EPB41L3: variants seen among roughly 807,000 people sequenced by gnomAD.
The protein encoded by EPB41L3 is erythrocyte membrane protein band 4.1 like 3.
Under a neutral mutation model 127.1 loss-of-function variants are expected in EPB41L3, and 57 were observed. The observed-to-expected ratio is 0.45, with a 90% CI of 0.36 to 0.56. The LOEUF is 0.56. EPB41L3 is among the 20% of genes least tolerant of loss of function. The pLI is 0.00. For missense variants in EPB41L3, 1,273 were observed against 1,372.2 expected, an observed-to-expected ratio of 0.93 and a Z score of 1.14; for synonymous variants, 572 against 549.5, an observed-to-expected ratio of 1.04 and a Z score of -0.57.
In EPB41L3 at chr18:5,438,064, G is replaced by T. The variant is rs1371649798; in HGVS notation, c.576C>A (p.Asp192Glu). ...FSFNVKFYPP[D>E]PAQLSEDITR... ...TGATATCTTCAGATAGTTGGGCAGG[G>T]TCTGGTGGATAAAATTTCACATTAA... The change falls in exon 6 of 23, where the codon GAC (aspartate) becomes GAA (glutamate). Residue 192 changes from aspartate (D) to glutamate (E), a missense_variant. Transcript: ENST00000341928. 2 of 1,613,894 alleles carry T rather than the reference G, an allele frequency of 1.2e-6. No homozygotes were observed. Among genetic ancestry groups the T allele is most frequent in the East Asian group, 2.2e-5 (1 of 44,854 alleles).
intron 1 of EPB41L3, chr18:5,529,054 C>A (rs1046540255): frequency 1.3e-4 from 20 of 152,160 alleles, no homozygotes; most frequent in African/African-American, 4.8e-4. Flanking sequence ...AGAAAGAGAG[C>A]ATATTAAGGG....
At chr18:5,521,939 C>A (rs545158788) in intron 1 of EPB41L3, among the ~76,000 whole-genome samples, 1 of 152,124 alleles carries the variant, frequency 6.6e-6, no homozygotes, top group Admixed American at 6.5e-5. Context: ...AATCTCAACA[C>A]TAGCCATAAT....
In EPB41L3 at chr18:5,406,277, T is replaced by C. The variant is rs150839290; in HGVS notation, c.2349+500A>G. Among the ~76,000 whole-genome samples the C allele has an allele frequency of 9.0e-3, 1,368 of 152,018 alleles. 13 individuals are homozygous for C. Among genetic ancestry groups the C allele is most frequent in the Non-Finnish European group, 0.014 (976 of 67,948 alleles). On this transcript the variant is annotated intron_variant, in intron 16 of 22. Coordinates refer to ENST00000341928, the MANE Select transcript of EPB41L3 (RefSeq NM_012307.5). ...AAAACAAAAAACAAAAAACGTAATA[T>C]AAATCAATTAAGATAATCAGTTATA...
chr18:5,435,688 A>G (rs1036964651), intron 6 of EPB41L3, among the ~76,000 whole-genome samples: 7 of 152,214 alleles, frequency 4.6e-5, no homozygotes, highest in African/African-American at 1.7e-4. Flanking sequence ...CGCATTGTTA[A>G]GTGACATGAC....
intron 12 of EPB41L3, among the ~76,000 whole-genome samples, chr18:5,416,742 A>C (rs1244835981): frequency 6.6e-6 from 1 of 152,186 alleles, no homozygotes; most frequent in African/African-American, 2.4e-5. Context: ...AAATCTGATA[A>C]CTTAACATGA....
intron 3 of EPB41L3, among the ~76,000 whole-genome samples, chr18:5,581,672 T>G (rs1436826605): frequency 6.6e-6 from 1 of 152,122 alleles, no homozygotes; most frequent in African/African-American, 2.4e-5. Flanking sequence ...TCAAACATAG[T>G]TTAGGTCTTC....
intron 14 of EPB41L3, 52 bp downstream of exon 14, chr18:5,410,514 A>C: frequency 7.2e-7 from 1 of 1,388,000 alleles, no homozygotes; most frequent in Non-Finnish European, 1.0e-6. Context: ...GAGCCACCCC[A>C]CAAGGCATTT....
intron 11 of EPB41L3, among the ~76,000 whole-genome samples, chr18:5,421,749 A>G (rs1184309508): frequency 6.6e-6 from 1 of 152,230 alleles, no homozygotes; most frequent in Admixed American, 6.5e-5. Flanking sequence ...GTTCTCATGT[A>G]TAAGTGGGAG....
intron 1 of EPB41L3, among the ~76,000 whole-genome samples, chr18:5,498,789 G>C (rs1221106380): frequency 6.6e-6 from 1 of 151,902 alleles, no homozygotes; most frequent in Non-Finnish European, 1.5e-5. Context: ...GAAAGAGTGA[G>C]CGAATAAACT....
chr18:5,564,534 T>C (rs1287526187), intron 3 of EPB41L3, among the ~76,000 whole-genome samples: 1 of 152,006 alleles, frequency 6.6e-6, no homozygotes, highest in Non-Finnish European at 1.5e-5. Flanking sequence ...GAGCCGATGG[T>C]GGGTCACAGG....
intron 3 of EPB41L3, among the ~76,000 whole-genome samples, chr18:5,563,782 G>A (rs2094163770): frequency 6.6e-6 from 1 of 152,174 alleles, no homozygotes; most frequent in Non-Finnish European, 1.5e-5. Context: ...AAGAGTACAA[G>A]ATAAATGATA....
intron 5 of EPB41L3, among the ~76,000 whole-genome samples, chr18:5,439,792 G>C (rs946754741): frequency 6.6e-6 from 1 of 152,076 alleles, no homozygotes; most frequent in Non-Finnish European, 1.5e-5. Context: ...TCCCTTCAAC[G>C]CTTGCCAGTG....
At chr18:5,507,530 TTGAG>T (rs1219044785) in intron 1 of EPB41L3, among the ~76,000 whole-genome samples, 2 of 152,198 alleles carry the variant, frequency 1.3e-5, no homozygotes, top group East Asian at 3.9e-4. Context: ...CTGTGTGAAT[TTGAG>T]TAAGTTACGT....
chr18:5,453,923 T>C (rs1158383447), intron 3 of EPB41L3, among the ~76,000 whole-genome samples: 3 of 152,176 alleles, frequency 2.0e-5, no homozygotes, highest in African/African-American at 2.4e-5. Context: ...CCTGCCCTAA[T>C]TGCATTTTTC....
chr18:5,441,797 C>T (rs2080824079), intron 5 of EPB41L3, among the ~76,000 whole-genome samples: 1 of 152,138 alleles, frequency 6.6e-6, no homozygotes, highest in African/African-American at 2.4e-5. Context: ...TCCAACTTTC[C>T]TTATCTCCTT....
At position 5,433,785 on chromosome 18, in the gene EPB41L3, A is replaced by G. The variant is rs185984247; in HGVS notation, c.824+118T>C. On this transcript the variant is annotated intron_variant, in intron 7 of 22. Coordinates refer to ENST00000341928, the MANE Select transcript of EPB41L3 (RefSeq NM_012307.5). ...TCAGAATTTTACTGTGCATGGACCC[A>G]CACTATGCTCACGTCTCGCCGTTAA... 1.1e-4 allele frequency: 133 copies of G among 1,161,564 alleles called. No homozygotes were observed. The African/African-American group carries it at 1.8e-3, about 16-fold the overall frequency. The allele number at this position is 1,161,564 out of a possible 1,614,324, so 72.0% of individuals were successfully genotyped here.
intron 3 of EPB41L3, among the ~76,000 whole-genome samples, chr18:5,591,067 T>G (rs2094481453): frequency 6.6e-6 from 1 of 152,090 alleles, no homozygotes. Context: ...AAAATAAAAT[T>G]AAAAGTAAAA....
intron 3 of EPB41L3, among the ~76,000 whole-genome samples, chr18:5,591,276 G>A (rs1267291409): frequency 1.3e-5 from 2 of 152,160 alleles, no homozygotes. Flanking sequence ...GCCACAAACT[G>A]GGTAACCTAT....
At chr18:5,555,544 C>G (rs1015975432) in intron 3 of EPB41L3, among the ~76,000 whole-genome samples, 1 of 152,154 alleles carries the variant, frequency 6.6e-6, no homozygotes, top group Non-Finnish European at 1.5e-5. Flanking sequence ...AATCCCCAGT[C>G]ATGCAAATTA....
Sources: gnomAD v4.1 joint callset for allele counts (sites outside exome capture counted in the v4.1 genomes callset) on GRCh38, gnomAD v4.1.1 for gene constraint, MANE v1.5 for transcripts, NCBI Gene and HGNC (gene_info 2026-07-23, HGNC 2026-07-21) for gene names.